CSF2RA: variants seen among roughly 807,000 people sequenced by gnomAD.
The protein encoded by CSF2RA is colony stimulating factor 2 receptor subunit alpha.
In CSF2RA, 42 loss-of-function variants were observed where a neutral mutation model predicts 51.6. The ratio of observed to expected loss-of-function variants is 0.81; its 90% confidence interval spans 0.64 to 1.05. CSF2RA has a LOEUF of 1.05. CSF2RA is among the 50% of genes least tolerant of loss of function. The probability of loss-of-function intolerance (pLI) is 0.00; values close to 1 mark genes in which losing one functional copy is unlikely to be tolerated. For missense variants in CSF2RA, 530 were observed against 501.1 expected (o/e 1.06, Z -0.55); for synonymous variants, 222 against 193.0 (o/e 1.15, Z -1.24).
chrX:1,311,512 C>A (rs1392013764), downstream of CSF2RA, among the ~76,000 whole-genome samples: 1 of 151,782 alleles, frequency 6.6e-6, no homozygotes, highest in Non-Finnish European at 1.5e-5. Context: ...CTGCTCACTG[C>A]AACCTCCATC....
rs747545275 is a variant in CSF2RA at position 1,305,467 on chromosome X, G to T, written c.1065G>T (p.Leu355=). The change falls in exon 12 of 13, where the codon CTG becomes CTT. Residue 355 remains leucine, a synonymous_variant. Coordinates refer to ENST00000381529, the MANE Select transcript of CSF2RA (RefSeq NM_172245.4). ...LFKRFLRIQR[L]FPPVPQIKDK... is the part of the protein sequence containing the mutation. ...TCAGGTTCCTTAGGATACAGCGGCT[G>T]TTCCCGCCAGTTCCACAGATCAAAG... 1.2e-5 allele frequency: 19 copies of T among 1,613,948 alleles called. No individual in the cohort carries two copies. In the East Asian group the frequency reaches 2.7e-4, roughly 23 times the overall value.
At chrX:1,319,374 G>C in the CSF2RA span, among the ~76,000 whole-genome samples, 1 of 148,368 alleles carries the variant, frequency 6.7e-6, no homozygotes, top group East Asian at 2.1e-4. Context: ...TGTAGCCTCA[G>C]ACTCCCCGGC....
rs1272902333 is a variant in CSF2RA, at chrX:1,290,401, C to T, written c.538C>T (p.Leu180=). 4.3e-6 allele frequency: 7 copies of T among 1,613,144 alleles called. No homozygotes were observed. The highest frequency in any genetic ancestry group is 5.1e-6 in the Non-Finnish European group (6 of 1,179,314). The change falls in exon 7 of 13, where the codon CTG becomes TTG. Residue 180 remains leucine, a synonymous_variant. Coordinates refer to ENST00000381529, the MANE Select transcript of CSF2RA (RefSeq NM_172245.4). ...QDSGTHVGCH[L]DNLSGLTSRN... is the part of the protein sequence containing the mutation. The stretch of plus-strand genomic sequence containing the variant: ...CTCAGGAACCCATGTGGGATGTCAC[C>T]TGGATAACCTGTCAGGATTAACGTC...
At chrX:1,296,352 C>A (rs2091955823) in intron 9 of CSF2RA, among the ~76,000 whole-genome samples, 1 of 113,896 alleles carries the variant, frequency 8.8e-6, no homozygotes, top group Non-Finnish European at 1.9e-5. Context: ...CCTGGCGGAA[C>A]CCTACAGTCC....
Position 1,285,789 on chromosome X carries a change from G to A in CSF2RA, c.88G>A (p.Val30Met). Residue 30 changes from valine to methionine, a missense_variant, in exon 4 of 13, where the codon GTG (valine) becomes ATG (methionine). By Grantham distance (21) the Val-to-Met change is conservative. Coordinates refer to ENST00000381529, the MANE Select transcript of CSF2RA (RefSeq NM_172245.4). ...LIPEKSDLRTVAPASSLNVRF... is the reference protein window; with the variant it reads ...LIPEKSDLRTMAPASSLNVRF... Reference sequence around the variant, plus strand: ...CCCGCTCCTTGCAGATCTGCGAACAGTGGCACCAGCCTCTAGTCTCAATGT... The same window carrying A: ...CCCGCTCCTTGCAGATCTGCGAACAATGGCACCAGCCTCTAGTCTCAATGT... The A allele has an allele frequency of 6.2e-7, 1 of 1,610,318 alleles. No individual in the cohort carries two copies. Among genetic ancestry groups the A allele is most frequent in the Non-Finnish European group, 8.5e-7 (1 of 1,178,638 alleles).
At chrX:1,317,357 T>G in the CSF2RA span, among the ~76,000 whole-genome samples, 1 of 140,354 alleles carries the variant, frequency 7.1e-6, no homozygotes, top group Non-Finnish European at 1.5e-5. Flanking sequence ...GTTCCAGCGA[T>G]TCTCCCGCCT....
intron 3 of CSF2RA, 67 bp from the exon 4 acceptor site, chrX:1,285,711 A>AAC: frequency 1.0e-6 from 1 of 981,494 alleles, no homozygotes; most frequent in East Asian, 3.0e-5. Context: ...CAAAAAAAAA[A>AAC]AAAAAAAAAA....
the CSF2RA span, among the ~76,000 whole-genome samples, chrX:1,322,851 C>CG: frequency 6.6e-6 from 1 of 151,952 alleles, no homozygotes; most frequent in Non-Finnish European, 1.5e-5. Flanking sequence ...GAAGATTGGC[C>CG]GGGCGCGGTG....
At chrX:1,318,559 G>C in the CSF2RA span, among the ~76,000 whole-genome samples, 2 of 151,982 alleles carry the variant, frequency 1.3e-5, no homozygotes, top group African/African-American at 4.8e-5. Flanking sequence ...CTGAGCCGCC[G>C]ATAGCCCCTC....
At chrX:1,299,266 T>A (rs2092216186) in intron 9 of CSF2RA, among the ~76,000 whole-genome samples, 1 of 152,142 alleles carries the variant, frequency 6.6e-6, no homozygotes, top group African/African-American at 2.4e-5. Context: ...TTAGAGTGAG[T>A]ACTGTTGCCG....
chrX:1,321,504 G>A, the CSF2RA span, among the ~76,000 whole-genome samples: 17 of 151,536 alleles, frequency 1.1e-4, no homozygotes, highest in African/African-American at 4.1e-4. Flanking sequence ...AAACCCAGGA[G>A]GCAGAGGTTG....
At chrX:1,303,399 C>T (rs1296673863) in intron 10 of CSF2RA, 1 of 430,348 alleles carries the variant, frequency 2.3e-6, no homozygotes, top group African/African-American at 2.0e-5. Context: ...CCATGCCTGG[C>T]TAATTTTGTA....
the CSF2RA span, among the ~76,000 whole-genome samples, chrX:1,320,499 C>T: frequency 2.2e-5 from 3 of 139,482 alleles, no homozygotes; most frequent in Admixed American, 7.3e-5. Context: ...GCCAATGTGG[C>T]TTTTTTTTTT....
At position 1,288,414 on chromosome X, in the gene CSF2RA, G is replaced by A. The variant is rs1424898508; in HGVS notation, c.220-105G>A. ...GGAGAATTGCTTGAACCTGGAAGGCGGAGGTTGTAGTGAGCCGAGATCACG... is the reference window on the plus strand; with the variant it reads ...GGAGAATTGCTTGAACCTGGAAGGCAGAGGTTGTAGTGAGCCGAGATCACG... On this transcript the variant is annotated intron_variant, in intron 4 of 12. Coordinates refer to ENST00000381529, the MANE Select transcript of CSF2RA (RefSeq NM_172245.4). The A allele has an allele frequency of 3.0e-5, 38 of 1,262,482 alleles. 2 individuals are homozygous for A. Among genetic ancestry groups the A allele is most frequent in the African/African-American group, 1.1e-4 (8 of 71,604 alleles). 78.2% of individuals were successfully genotyped at this position (1,262,482 alleles called of 1,614,324 possible).
chrX:1,320,045 G>A, the CSF2RA span, among the ~76,000 whole-genome samples: 6 of 151,776 alleles, frequency 4.0e-5, 1 homozygote, highest in East Asian at 3.9e-4. Context: ...ACAGGTGCCC[G>A]CCACCACGCC....
chrX:1,274,798 G>A lies in CSF2RA; in HGVS notation c.-47G>A, dbSNP rs1361162854. 6.6e-6 allele frequency: 3 copies of A among 453,428 alleles called. No individual in the cohort carries two copies. Among genetic ancestry groups the A allele is most frequent in the Non-Finnish European group, 8.8e-6 (2 of 226,718 alleles). The allele number at this position is 453,428 out of a possible 1,614,324, so 28.1% of individuals were successfully genotyped here. A position where few individuals can be genotyped will look rare whatever the true frequency, so the allele number is the denominator to read the frequency against. On this transcript the variant is annotated 5_prime_UTR_variant, in exon 2 of 13. Transcript: ENST00000381529. The stretch of plus-strand genomic sequence containing the variant: ...GTGGAGACAGCAGATCCGAGAAGCG[G>A]CGATGTTTGCGTAGAACCCTGTACG...
rs140581875 is a variant in CSF2RA at position 1,288,578 on chromosome X, A to T, written c.279A>T (p.Thr93=). ...FREICLHEGV[T]FEVHVNTSQR... is the part of the protein sequence containing the mutation. ...AAATTTGTCTGCATGAAGGAGTCAC[A>T]TTTGAGGTTCACGTGAATACTAGTC... The change falls in exon 5 of 13, where the codon ACA becomes ACT. Residue 93 remains threonine, a synonymous_variant. Transcript: ENST00000381529. 6.2e-7 allele frequency: 1 copy of T among 1,613,958 alleles called. No individual in the cohort carries two copies. Among genetic ancestry groups the T allele is most frequent in the South Asian group, 1.1e-5 (1 of 91,080 alleles).
chrX:1,303,602 C>A (rs1209692971), intron 10 of CSF2RA, among the ~76,000 whole-genome samples: 1 of 152,066 alleles, frequency 6.6e-6, no homozygotes, highest in Non-Finnish European at 1.5e-5. Context: ...TCTCGAACTC[C>A]CAACCTCAGG....
chrX:1,311,161 A>C (rs2084163330), downstream of CSF2RA, among the ~76,000 whole-genome samples: 1 of 151,486 alleles, frequency 6.6e-6, no homozygotes, highest in Admixed American at 6.6e-5. Flanking sequence ...AGGCAGCAGA[A>C]TTGCTTGAAC....
Sources: allele counts gnomAD v4.1 joint callset (sites outside exome capture counted in the v4.1 genomes callset), GRCh38; gene constraint gnomAD v4.1.1; transcripts MANE v1.5; gene names NCBI Gene and HGNC (gene_info 2026-07-23, HGNC 2026-07-21).